CEP85L: variants seen among roughly 807,000 people sequenced by gnomAD.
CEP85L encodes the protein centrosomal protein 85L.
A neutral mutation model predicts 100.3 loss-of-function variants in CEP85L; 60 were observed. That is an observed-to-expected ratio of 0.60 (90% CI 0.49 to 0.74). The LOEUF is 0.74. Ranked by LOEUF, CEP85L falls within the 30% of genes least tolerant of loss-of-function variation. The pLI, the probability that CEP85L is intolerant of heterozygous loss-of-function variation, is 0.00. For missense variants in CEP85L, 973 were observed against 936.2 expected, an observed-to-expected ratio of 1.04 and a Z score of -0.51; for synonymous variants, 319 against 322.7, an observed-to-expected ratio of 0.99 and a Z score of 0.12.
chr6:118,640,547 C>T (rs986275265), intron 1 of CEP85L, among the ~76,000 whole-genome samples: 25 of 152,136 alleles, frequency 1.6e-4, no homozygotes, highest in Non-Finnish European at 7.3e-5. Context: ...GTTTTTGAGA[C>T]AGAGCCTCTC....
chr6:118,683,561 T>C (rs1776736247), intron 1 of CEP85L, among the ~76,000 whole-genome samples: 1 of 152,224 alleles, frequency 6.6e-6, no homozygotes. Flanking sequence ...AGCATCCTAG[T>C]GCATTCGCAG....
intron 7 of CEP85L, 62 bp from the exon 8 acceptor site, chr6:118,481,995 C>T: frequency 1.1e-5 from 10 of 949,722 alleles, no homozygotes; most frequent in Non-Finnish European, 1.4e-5. Context: ...CTATTAGAAA[C>T]TGTTACTGTG....
chr6:118,506,871 CACTT>C (rs771327917), intron 5 of CEP85L, among the ~76,000 whole-genome samples: 23 of 152,254 alleles, frequency 1.5e-4, no homozygotes, highest in East Asian at 1.9e-4. Context: ...TATGGAAAAA[CACTT>C]GCTTGCTTTC....
chr6:118,509,941 T>C lies in CEP85L; in HGVS notation c.1257+1357A>G, dbSNP rs925908521. The stretch of plus-strand genomic sequence containing the variant: ...ACGGGCCTCATAGACTCTATATCTG[T>C]GTTCCAATTAGACTATACTCTCCTT... On this transcript the variant is annotated intron_variant, in intron 5 of 12. Coordinates refer to ENST00000368491, the MANE Select transcript of CEP85L (RefSeq NM_001042475.3). Among the ~76,000 whole-genome samples the C allele has an allele frequency of 4.6e-5, 7 of 152,128 alleles. No individual in the cohort carries two copies. The East Asian group carries it at 1.3e-3, about 29-fold the overall frequency.
At chr6:118,625,550 C>A (rs1412415510) in intron 2 of CEP85L, among the ~76,000 whole-genome samples, 1 of 152,176 alleles carries the variant, frequency 6.6e-6, no homozygotes, top group Non-Finnish European at 1.5e-5. Flanking sequence ...CAGCTTAATT[C>A]TCTGACTGGG....
intron 1 of CEP85L, among the ~76,000 whole-genome samples, chr6:118,634,369 T>A (rs147853856): frequency 1.0e-3 from 152 of 152,318 alleles, no homozygotes; most frequent in African/African-American, 3.5e-3. Context: ...AAGCTCAACA[T>A]TAATGATTCA....
In CEP85L at chr6:118,542,900, C is replaced by CAAAAAAAAAAAAA. The variant is rs71012391; in HGVS notation, c.1021-18993_1021-18981dup. Among the ~76,000 whole-genome samples the CAAAAAAAAAAAAA allele has an allele frequency of 7.6e-3, 512 of 67,116 alleles. 40 individuals carry two copies. Among genetic ancestry groups the CAAAAAAAAAAAAA allele is most frequent in the Non-Finnish European group, 0.012 (402 of 34,532 alleles). The allele number at this position is 67,116 out of a possible 152,430, so 44.0% of individuals were successfully genotyped here. A position where few individuals can be genotyped will look rare whatever the true frequency, so the allele number is the denominator to read the frequency against. On this transcript the variant is annotated intron_variant, in intron 3 of 12. Coordinates refer to ENST00000368491, the MANE Select transcript of CEP85L (RefSeq NM_001042475.3). Reference sequence around the variant, plus strand: ...GAACTTCAACATCACCAAGTTTTCCCAAAAAAAAAAAAAAAAAAAAAAACA... The same window carrying CAAAAAAAAAAAAA: ...GAACTTCAACATCACCAAGTTTTCCCAAAAAAAAAAAAAAAAAAAAAAAAAAAAAAAAAAAACA...
chr6:118,523,961 TAAAGAAAA>T, intron 3 of CEP85L, 41 bp from the exon 4 acceptor site: 2 of 791,646 alleles, frequency 2.5e-6, no homozygotes, highest in Non-Finnish European at 3.9e-6. Flanking sequence ...CTAAAATATT[TAAAGAAAA>T]TATTTATATA....
rs1554210598 is a variant in CEP85L, at chr6:118,514,540, A to AAG, written c.1140-3126_1140-3125insCT. Among the ~76,000 whole-genome samples the AAG allele has an allele frequency of 1.6e-4, 23 of 142,800 alleles. No homozygotes were observed. The South Asian group carries it at 1.7e-3, about 11-fold the overall frequency. 93.7% of individuals were successfully genotyped at this position (142,800 alleles called of 152,430 possible). On this transcript the variant is annotated intron_variant, in intron 4 of 12. Transcript: ENST00000368491. ...ACACTGTCTCAAAAAAAAAAAAAAA[A>AAG]AAAGAAAACAAATACCAATATAGGA...
chr6:118,468,180 T>C (rs959150425), intron 12 of CEP85L, among the ~76,000 whole-genome samples: 2 of 152,166 alleles, frequency 1.3e-5, no homozygotes, highest in African/African-American at 4.8e-5. Context: ...ATTTAACAAG[T>C]GATATACTTT....
intron 2 of CEP85L, chr6:118,589,368 C>T (rs1264571669): frequency 8.2e-6 from 2 of 245,156 alleles, no homozygotes; most frequent in Non-Finnish European, 1.8e-5. Flanking sequence ...CCTCAGATGG[C>T]TTTCGGCATG....
rs184713273 is a variant in CEP85L, at chr6:118,694,131, G to A, written c.-28+15905C>T. Among the ~76,000 whole-genome samples the A allele has an allele frequency of 6.6e-5, 10 of 152,258 alleles. No homozygotes were observed. The East Asian group carries it at 7.7e-4, about 12-fold the overall frequency. On this transcript the variant is annotated intron_variant, in intron 1 of 13. Transcript: ENST00000368488. ...CTTCTTTATTTATCTTTACTTATGT[G>A]TCTACCTAATACGATGCAGATATAT...
Position 118,651,301 on chromosome 6 carries a change from G to C in CEP85L, c.-32C>G. 1 of 1,459,666 alleles carries C rather than the reference G, an allele frequency of 6.9e-7. No homozygotes were observed. The highest frequency in any genetic ancestry group is 2.4e-5 in the Admixed American group (1 of 40,850). The allele number at this position is 1,459,666 out of a possible 1,614,324, so 90.4% of individuals were successfully genotyped here. On this transcript the variant is annotated 5_prime_UTR_variant, in exon 1 of 13. Transcript: ENST00000368491. Reference sequence around the variant, plus strand: ...CGAGAGGGCCGGGTGGGCCAGGGACGCCCGACTCCTCACGTCCGTCCTCCT... The same window carrying C: ...CGAGAGGGCCGGGTGGGCCAGGGACCCCCGACTCCTCACGTCCGTCCTCCT...
intron 3 of CEP85L, among the ~76,000 whole-genome samples, chr6:118,527,078 C>T (rs577516736): frequency 2.7e-4 from 38 of 142,262 alleles, no homozygotes; most frequent in Middle Eastern, 3.8e-3. Context: ...TGCGATGGCG[C>T]GATAGAGCTC....
At chr6:118,573,319 G>A (rs1780021391) in intron 2 of CEP85L, among the ~76,000 whole-genome samples, 1 of 152,104 alleles carries the variant, frequency 6.6e-6, no homozygotes, top group Non-Finnish European at 1.5e-5. Context: ...TCCAAAAATT[G>A]TTTTTGCAGG....
At chr6:118,533,448 A>C (rs1777402427) in intron 3 of CEP85L, among the ~76,000 whole-genome samples, 1 of 145,102 alleles carries the variant, frequency 6.9e-6, no homozygotes, top group Non-Finnish European at 1.5e-5. Context: ...AAACTATTAG[A>C]GTAATTGAAT....
At chr6:118,695,528 G>A (rs1777178096) in intron 1 of CEP85L, among the ~76,000 whole-genome samples, 1 of 152,158 alleles carries the variant, frequency 6.6e-6, no homozygotes, top group Non-Finnish European at 1.5e-5. Flanking sequence ...GTAGTTCTAG[G>A]ATGAAACTAG....
chr6:118,603,882 G>A (rs1428817094), intron 2 of CEP85L, among the ~76,000 whole-genome samples: 1 of 152,208 alleles, frequency 6.6e-6, no homozygotes, highest in Non-Finnish European at 1.5e-5. Context: ...TCTGTGGATA[G>A]TAAAAAGTTT....
chr6:118,574,686 A>G (rs1780112249), intron 2 of CEP85L, among the ~76,000 whole-genome samples: 1 of 152,212 alleles, frequency 6.6e-6, no homozygotes, highest in Non-Finnish European at 1.5e-5. Flanking sequence ...CAGTACAGAT[A>G]CCACGGCGAC....
Sources: allele counts gnomAD v4.1 joint callset (sites outside exome capture counted in the v4.1 genomes callset), GRCh38; gene constraint gnomAD v4.1.1; transcripts MANE v1.5; gene names NCBI Gene and HGNC (gene_info 2026-07-23, HGNC 2026-07-21).